STAG1: variants seen among roughly 807,000 people sequenced by gnomAD.
STAG1 encodes the protein cohesin subunit SA-1.
In STAG1, 26 loss-of-function variants were observed where a neutral mutation model predicts 170.9. That is an observed-to-expected ratio of 0.15 (90% CI 0.11 to 0.21). STAG1 has a LOEUF of 0.21. Among genes scored for constraint, STAG1 ranks in the 10% least tolerant of loss-of-function variants. STAG1 has a pLI of 1.00. For missense variants in STAG1, 964 were observed against 1,509.5 expected, an observed-to-expected ratio of 0.64 and a Z score of 5.99; for synonymous variants, 514 against 497.7, an observed-to-expected ratio of 1.03 and a Z score of -0.44.
chr3:136,526,064 T>C (rs539849139), intron 6 of STAG1, among the ~76,000 whole-genome samples: 2 of 152,352 alleles, frequency 1.3e-5, no homozygotes, highest in African/African-American at 4.8e-5. Flanking sequence ...GAGAAGAATG[T>C]ATATTCTGTT....
chr3:136,337,936 TTTATC>T lies in STAG1; in HGVS notation c.*313_*317del, dbSNP rs536883515. The T allele has an allele frequency of 2.2e-3, 578 of 262,312 alleles. 2 individuals are homozygous for T. Among genetic ancestry groups the T allele is most frequent in the Non-Finnish European group, 2.5e-3 (344 of 139,784 alleles). The allele number at this position is 262,312 out of a possible 1,614,324, so 16.2% of individuals were successfully genotyped here. On this transcript the variant is annotated 3_prime_UTR_variant, in exon 34 of 34. Transcript: ENST00000383202. ...TTCATAAAACAGGTGTATAACAGTG[TTTATC>T]TTGACAGCTGTTTTAAAAATTTAAA...
At chr3:136,564,820 A>T (rs1322781542) in intron 5 of STAG1, among the ~76,000 whole-genome samples, 1 of 151,862 alleles carries the variant, frequency 6.6e-6, no homozygotes, top group African/African-American at 2.4e-5. Flanking sequence ...CATACACAAA[A>T]ATTAACCATG....
chr3:136,430,097 A>G (rs2088252212), intron 16 of STAG1: 1 of 152,210 alleles, frequency 6.6e-6, no homozygotes, highest in Admixed American at 6.5e-5. Flanking sequence ...AATATTTCAT[A>G]AATTTGCATG....
At chr3:136,466,093 C>T (rs766409185) in intron 12 of STAG1, among the ~76,000 whole-genome samples, 20 of 152,134 alleles carry the variant, frequency 1.3e-4, no homozygotes, top group Admixed American at 8.5e-4. Flanking sequence ...AAAATCAGAT[C>T]GCCTCTCCCC....
chr3:136,533,963 A>G (rs895913603), intron 6 of STAG1, among the ~76,000 whole-genome samples: 2 of 152,232 alleles, frequency 1.3e-5, no homozygotes, highest in Non-Finnish European at 2.9e-5. Context: ...GAACGAAACA[A>G]AACAAAAACA....
At chr3:136,520,696 T>C (rs1934627142) in intron 7 of STAG1, among the ~76,000 whole-genome samples, 1 of 152,140 alleles carries the variant, frequency 6.6e-6, no homozygotes, top group Non-Finnish European at 1.5e-5. Flanking sequence ...ACAGCCTACC[T>C]TAAGAACTGA....
intron 29 of STAG1, among the ~76,000 whole-genome samples, chr3:136,345,076 A>C (rs1936163270): frequency 6.6e-6 from 1 of 152,032 alleles, no homozygotes; most frequent in Non-Finnish European, 1.5e-5. Context: ...TTCAGAACTT[A>C]TGAAAATGGT....
chr3:136,620,678 C>G (rs545294914), intron 3 of STAG1, among the ~76,000 whole-genome samples: 18 of 152,256 alleles, frequency 1.2e-4, no homozygotes, highest in African/African-American at 4.3e-4. Context: ...AGAAATGGGA[C>G]TGATTGAGTT....
intron 29 of STAG1, among the ~76,000 whole-genome samples, chr3:136,344,635 A>G (rs1044561473): frequency 6.6e-6 from 1 of 151,856 alleles, no homozygotes; most frequent in African/African-American, 2.4e-5. Context: ...TTTTTTCAAG[A>G]CGGAGTCTCA....
intron 25 of STAG1, among the ~76,000 whole-genome samples, chr3:136,365,135 G>A (rs887340842): frequency 6.6e-6 from 1 of 152,130 alleles, no homozygotes; most frequent in African/African-American, 2.4e-5. Context: ...GATGATAAAA[G>A]TTCTGAATAA....
rs368296708 is a variant in STAG1, at chr3:136,573,559, T to C, written c.298-4698A>G. On this transcript the variant is annotated intron_variant, in intron 4 of 33. Transcript: ENST00000383202. ...ATGAAAAAGTCCATTCTGAATTTTT[T>C]AACTGGCCAAAAAAAATATTTCAAA... is the stretch of plus-strand genomic sequence containing the variant. 7.9e-5 allele frequency among the ~76,000 whole-genome samples: 12 copies of C among 152,016 alleles called. No homozygotes were observed. The East Asian group carries it at 1.7e-3, about 22-fold the overall frequency.
intron 14 of STAG1, 82 bp downstream of exon 14, chr3:136,451,951 G>C (rs570813250): frequency 1.7e-5 from 15 of 900,906 alleles, no homozygotes; most frequent in East Asian, 2.8e-5. Context: ...GTTTTTATTT[G>C]ATTGAAAAAA....
chr3:136,553,367 A>C (rs1173316500), intron 5 of STAG1, among the ~76,000 whole-genome samples: 4 of 151,410 alleles, frequency 2.6e-5, no homozygotes, highest in African/African-American at 7.4e-5. Context: ...TAAAGAGATA[A>C]CAATTAAGAA....
chr3:136,538,941 T>C (rs928802685), intron 6 of STAG1, among the ~76,000 whole-genome samples: 4 of 152,096 alleles, frequency 2.6e-5, no homozygotes, highest in Admixed American at 1.3e-4. Context: ...AAGATCATCC[T>C]GGCTGACACG....
intron 23 of STAG1, among the ~76,000 whole-genome samples, chr3:136,374,164 C>A (rs1195179575): frequency 1.3e-5 from 2 of 151,852 alleles, no homozygotes; most frequent in South Asian, 2.1e-4. Flanking sequence ...GGATTGCAAC[C>A]CCTGCCTTTT....
At chr3:136,500,393 G>T in intron 8 of STAG1, 97 bp from the exon 9 acceptor site, 1 of 837,456 alleles carries the variant, frequency 1.2e-6, no homozygotes, top group Non-Finnish European at 1.9e-6. Context: ...TTCATTCTGG[G>T]TAGTTTTCAA....
intron 2 of STAG1, among the ~76,000 whole-genome samples, chr3:136,623,943 CTG>C (rs1939975315): frequency 6.6e-6 from 1 of 152,062 alleles, no homozygotes. Context: ...GGGCAATACT[CTG>C]TCTGAAAACA....
At chr3:136,467,992 G>A (rs572700234) in intron 12 of STAG1, among the ~76,000 whole-genome samples, 1 of 152,310 alleles carries the variant, frequency 6.6e-6, no homozygotes, top group East Asian at 1.9e-4. Context: ...GAATCTTTGG[G>A]ACACACTGAA....
intron 3 of STAG1, among the ~76,000 whole-genome samples, chr3:136,614,907 A>C (rs1187096228): frequency 1.3e-5 from 2 of 152,228 alleles, no homozygotes; most frequent in East Asian, 1.9e-4. Context: ...TGGGGACTGC[A>C]TAATGCAAAA....
Sources: allele counts gnomAD v4.1 joint callset (sites outside exome capture counted in the v4.1 genomes callset), GRCh38; gene constraint gnomAD v4.1.1; transcripts MANE v1.5; gene names NCBI Gene and HGNC (gene_info 2026-07-23, HGNC 2026-07-21).